The following CNTN1 variants were observed in gnomAD, a reference collection of about 807,000 sequenced individuals.
CNTN1 encodes the protein contactin 1, also known as contactin-1.
A neutral mutation model predicts 126.4 loss-of-function variants in CNTN1; 38 were observed. The ratio of observed to expected loss-of-function variants is 0.30; its 90% CI spans 0.23 to 0.39. The LOEUF is 0.39. Among genes scored for constraint, CNTN1 ranks in the 10% least tolerant of loss-of-function variants. CNTN1 has a pLI of 1.00. For missense variants in CNTN1, 1,009 were observed against 1,248.4 expected, an observed-to-expected ratio of 0.81 and a Z score of 2.89; for synonymous variants, 413 against 422.6, an observed-to-expected ratio of 0.98 and a Z score of 0.28.
intron 23 of CNTN1, among the ~76,000 whole-genome samples, chr12:41,038,730 A>G (rs1949326931): frequency 6.6e-6 from 1 of 152,142 alleles, no homozygotes; most frequent in African/African-American, 2.4e-5. Context: ...CTCACATTTT[A>G]AAGCGAGGAG....
At chr12:40,908,307 T>G in intron 1 of CNTN1, 50 bp from the exon 2 acceptor site, 1 of 666,438 alleles carries the variant, frequency 1.5e-6, no homozygotes, top group Non-Finnish European at 2.6e-6. Context: ...TTCCTTCCCC[T>G]CTCCTTCCTT....
At chr12:40,792,429 A>C (rs1940252618) in intron 1 of CNTN1, among the ~76,000 whole-genome samples, 1 of 152,076 alleles carries the variant, frequency 6.6e-6, no homozygotes, top group African/African-American at 2.4e-5. Context: ...AAAATCTATT[A>C]TTTAAACTTG....
intron 1 of CNTN1, among the ~76,000 whole-genome samples, chr12:40,766,448 T>TAATGA (rs1939097821): frequency 6.6e-6 from 1 of 152,074 alleles, no homozygotes; most frequent in South Asian, 2.1e-4. Context: ...GCAGAGCATT[T>TAATGA]AATGAAATAA....
intron 1 of CNTN1, among the ~76,000 whole-genome samples, chr12:40,877,776 ATACT>A (rs1323311990): frequency 6.6e-6 from 1 of 151,992 alleles, no homozygotes; most frequent in Non-Finnish European, 1.5e-5. Flanking sequence ...TGTTTTTCTG[ATACT>A]TACTTCTTTT....
chr12:40,767,153 T>G (rs1435403656), intron 1 of CNTN1, among the ~76,000 whole-genome samples: 1 of 152,046 alleles, frequency 6.6e-6, no homozygotes, highest in Non-Finnish European at 1.5e-5. Flanking sequence ...AGGAGAGTAT[T>G]TAGAAATTTC....
At position 40,937,621 on chromosome 12, in the gene CNTN1, A is replaced by G; in HGVS notation, c.1162A>G (p.Met388Val). The change falls in exon 11 of 24, where the codon ATG becomes GTG. Residue 388 changes from methionine (M) to valine (V), a missense_variant. Transcript: ENST00000551295. ...TGATGTGACTTTTGAAAATGCCGGA[A>G]TGTATCAGTGCATAGCTGAAAACAC... The part of the protein sequence containing the change: ...LYDVTFENAG[M>V]YQCIAENTYG... 1 of 1,613,314 alleles carries G rather than the reference A, an allele frequency of 6.2e-7. No individual in the cohort carries two copies. Among genetic ancestry groups the G allele is most frequent in the Non-Finnish European group, 8.5e-7 (1 of 1,179,386 alleles).
chr12:40,898,124 T>C lies in CNTN1; in HGVS notation c.-76-10233T>C, dbSNP rs1944478831. Among the ~76,000 whole-genome samples, 7 of 152,158 alleles carry C rather than the reference T, an allele frequency of 4.6e-5. No individual in the cohort carries two copies. The South Asian group carries it at 1.4e-3, about 31-fold the overall frequency. On this transcript the variant is annotated intron_variant, in intron 1 of 23. Coordinates refer to ENST00000551295, the MANE Select transcript of CNTN1 (RefSeq NM_001843.4). ...TTTCTCAATAAACATATTCAACAGA[T>C]TTTAATGGAGTATCTTTGATGTGTT...
chr12:40,721,756 G>A (rs967093781), intron 1 of CNTN1, among the ~76,000 whole-genome samples: 1 of 137,446 alleles, frequency 7.3e-6, no homozygotes, highest in African/African-American at 2.8e-5. Flanking sequence ...CTATGTCTAT[G>A]TGTTTTCATT....
intron 1 of CNTN1, among the ~76,000 whole-genome samples, chr12:40,790,915 T>A (rs1055696343): frequency 6.6e-6 from 1 of 152,170 alleles, no homozygotes; most frequent in South Asian, 2.1e-4. Flanking sequence ...AGGTCTGGGC[T>A]TTTATTCTCA....
chr12:40,970,442 G>C (rs1434537301), intron 15 of CNTN1, among the ~76,000 whole-genome samples: 1 of 152,032 alleles, frequency 6.6e-6, no homozygotes, highest in African/African-American at 2.4e-5. Flanking sequence ...CGTAAGGACT[G>C]AATTTACAAC....
chr12:40,842,725 G>A (rs1485708836), intron 1 of CNTN1, among the ~76,000 whole-genome samples: 1 of 152,036 alleles, frequency 6.6e-6, no homozygotes. Context: ...GTCTAGCACA[G>A]TGCCTTGAAC....
At chr12:40,791,506 G>A (rs1940219594) in intron 1 of CNTN1, among the ~76,000 whole-genome samples, 1 of 152,104 alleles carries the variant, frequency 6.6e-6, no homozygotes, top group Admixed American at 6.6e-5. Flanking sequence ...TGTTGATTCA[G>A]TTATCAGACT....
intron 3 of CNTN1, among the ~76,000 whole-genome samples, chr12:40,915,482 T>G (rs962724361): frequency 2.6e-5 from 4 of 152,140 alleles, no homozygotes; most frequent in African/African-American, 9.6e-5. Flanking sequence ...CTGGTCTTTA[T>G]TAATGTAAGC....
chr12:40,937,539 T>G, intron 10 of CNTN1, 31 bp from the exon 11 acceptor site: 5 of 1,353,508 alleles, frequency 3.7e-6, no homozygotes, highest in Non-Finnish European at 4.2e-6. Flanking sequence ...TAAAGTTCAT[T>G]GAGAATATGT....
At chr12:41,002,659 G>A (rs749964452) in intron 17 of CNTN1, among the ~76,000 whole-genome samples, 11 of 149,040 alleles carry the variant, frequency 7.4e-5, no homozygotes, top group Admixed American at 4.8e-4. Flanking sequence ...CCGGTTTAAC[G>A]CCATTCTCCT....
intron 1 of CNTN1, among the ~76,000 whole-genome samples, chr12:40,803,868 T>A (rs1940743606): frequency 1.3e-5 from 2 of 151,580 alleles, no homozygotes; most frequent in Non-Finnish European, 2.9e-5. Flanking sequence ...GGACCATAGA[T>A]CTTTGAGGGA....
intron 2 of CNTN1, 139 bp from the exon 3 acceptor site, chr12:40,909,934 G>T: frequency 1.6e-6 from 1 of 644,898 alleles, no homozygotes; most frequent in Non-Finnish European, 2.8e-6. Context: ...CTGCACAGAT[G>T]TGAAGATACT....
At chr12:40,833,572 T>TA (rs34552699) in intron 1 of CNTN1, among the ~76,000 whole-genome samples, 315 of 151,516 alleles carry the variant, frequency 2.1e-3, no homozygotes, top group African/African-American at 6.9e-3. Context: ...TCTTTTTTCT[T>TA]AAAAAAAAAA....
At chr12:40,957,829 C>T (rs1946946418) in intron 14 of CNTN1, among the ~76,000 whole-genome samples, 1 of 151,880 alleles carries the variant, frequency 6.6e-6, no homozygotes, top group South Asian at 2.1e-4. Context: ...TATTCTGTTC[C>T]AACTAACTAT....
Sources: allele counts gnomAD v4.1 joint callset (sites outside exome capture counted in the v4.1 genomes callset), GRCh38; gene constraint gnomAD v4.1.1; transcripts MANE v1.5; gene names NCBI Gene and HGNC (gene_info 2026-07-23, HGNC 2026-07-21).